Variants in NCAM1 observed in about 807,000 individuals in gnomAD.
NCAM1 encodes antigen recognized by monoclonal antibody 5.1H11.
Under a neutral mutation model 109.8 loss-of-function variants are expected in NCAM1, and 14 were observed. That is an observed-to-expected ratio of 0.13 (90% CI 0.08 to 0.20). The LOEUF (loss-of-function observed/expected upper bound fraction) is 0.20. Among genes scored for constraint, NCAM1 ranks in the 10% least tolerant of loss-of-function variants. The pLI, the probability that NCAM1 is intolerant of heterozygous loss-of-function variation, is 1.00. For synonymous variants in NCAM1, 418 were observed against 442.9 expected (o/e 0.94, Z 0.70); for missense variants, 774 against 1,109.9 (o/e 0.70, Z 4.30).
intron 1 of NCAM1, among the ~76,000 whole-genome samples, chr11:113,070,543 G>A (rs1381744053): frequency 1.3e-5 from 2 of 152,124 alleles, no homozygotes; most frequent in Non-Finnish European, 2.9e-5. Flanking sequence ...GAGAGATAGA[G>A]GAGAGAGAAA....
intron 1 of NCAM1, among the ~76,000 whole-genome samples, chr11:113,012,662 G>A (rs1952099967): frequency 6.6e-6 from 1 of 152,176 alleles, no homozygotes; most frequent in South Asian, 2.1e-4. Flanking sequence ...CCTCACTCCA[G>A]TCTTTGCCTG....
chr11:113,124,081 CA>C (rs1420384230), intron 1 of NCAM1, among the ~76,000 whole-genome samples: 47 of 152,188 alleles, frequency 3.1e-4, no homozygotes, highest in African/African-American at 1.0e-3. Context: ...CTTAGATAGT[CA>C]CCTTTCTCTT....
chr11:113,266,321 A>G (rs1555124398), intron 17 of NCAM1, among the ~76,000 whole-genome samples: 1 of 152,160 alleles, frequency 6.6e-6, no homozygotes, highest in African/African-American at 2.4e-5. Flanking sequence ...AAAAGCCACA[A>G]ACATTCTCTT....
At chr11:113,038,940 C>A (rs781854781) in intron 1 of NCAM1, among the ~76,000 whole-genome samples, 1 of 151,990 alleles carries the variant, frequency 6.6e-6, no homozygotes, top group South Asian at 2.1e-4. Flanking sequence ...ACAAATACTG[C>A]GGATATGATG....
intron 1 of NCAM1, among the ~76,000 whole-genome samples, chr11:113,136,920 A>G (rs1941622157): frequency 6.6e-6 from 1 of 152,156 alleles, no homozygotes; most frequent in Non-Finnish European, 1.5e-5. Flanking sequence ...ACATGGAGAG[A>G]GGATGTGTCC....
chr11:113,275,166 G>T, intron 19 of NCAM1, 101 bp from the exon 20 acceptor site: 1 of 1,481,046 alleles, frequency 6.8e-7, no homozygotes, highest in Admixed American at 2.2e-5. Flanking sequence ...GCTGTCACTG[G>T]AGAACCCCTC....
intron 1 of NCAM1, among the ~76,000 whole-genome samples, chr11:113,188,081 ACTT>A: frequency 6.6e-6 from 1 of 152,236 alleles, no homozygotes; most frequent in African/African-American, 2.4e-5. Context: ...GGTGTGGAGG[ACTT>A]CTGTCTGTTT....
chr11:113,045,239 AG>A (rs1953225018), intron 1 of NCAM1, among the ~76,000 whole-genome samples: 1 of 152,206 alleles, frequency 6.6e-6, no homozygotes, highest in South Asian at 2.1e-4. Context: ...TTCCCCTGTC[AG>A]TAAGAAAACC....
At chr11:113,250,792 G>C (rs1945654506) in intron 15 of NCAM1, among the ~76,000 whole-genome samples, 1 of 152,080 alleles carries the variant, frequency 6.6e-6, no homozygotes, top group African/African-American at 2.4e-5. Flanking sequence ...CAGATGGAGG[G>C]CTTTTTGTTT....
chr11:113,195,062 G>A (rs1943812554), intron 1 of NCAM1, among the ~76,000 whole-genome samples: 1 of 152,232 alleles, frequency 6.6e-6, no homozygotes, highest in African/African-American at 2.4e-5. Context: ...GGCAATTAAT[G>A]TATGGCCTGC....
intron 1 of NCAM1, among the ~76,000 whole-genome samples, chr11:113,165,751 C>A (rs1250072006): frequency 6.6e-6 from 1 of 152,024 alleles, no homozygotes; most frequent in Non-Finnish European, 1.5e-5. Flanking sequence ...AGAAGACCAC[C>A]ACTGGCTCTC....
intron 1 of NCAM1, among the ~76,000 whole-genome samples, chr11:112,986,816 T>G (rs2134752144): frequency 6.6e-6 from 1 of 152,098 alleles, no homozygotes; most frequent in South Asian, 2.1e-4. Context: ...TAGCAAAACT[T>G]TTGTCAATTT....
At chr11:113,121,496 C>T (rs1277652149) in intron 1 of NCAM1, among the ~76,000 whole-genome samples, 2 of 126,126 alleles carry the variant, frequency 1.6e-5, no homozygotes, top group Non-Finnish European at 3.1e-5. Context: ...GTTAAGATTA[C>T]AGGCATGAGC....
chr11:113,057,547 A>G (rs1953754154), intron 1 of NCAM1, among the ~76,000 whole-genome samples: 1 of 152,172 alleles, frequency 6.6e-6, no homozygotes, highest in African/African-American at 2.4e-5. Flanking sequence ...CTATTTTGCC[A>G]TAGCCCACTA....
At position 113,188,669 on chromosome 11, in the gene NCAM1, A is replaced by G. The variant is rs1555109303; in HGVS notation, c.53-13710A>G. On this transcript the variant is annotated intron_variant, in intron 1 of 19. Transcript: ENST00000316851. ...GAGGTTGATTCTATTTTTAAAGAAG[A>G]AAATTTCAGTGACTGGTGACCTGGG... 2.0e-5 allele frequency among the ~76,000 whole-genome samples: 3 copies of G among 152,206 alleles called. 1 individual carries two copies. Among genetic ancestry groups the G allele is most frequent in the South Asian group, 4.1e-4 (2 of 4,832 alleles).
intron 1 of NCAM1, among the ~76,000 whole-genome samples, chr11:113,054,305 CTTAA>C (rs1371593696): frequency 5.9e-5 from 9 of 152,258 alleles, no homozygotes; most frequent in Admixed American, 5.9e-4. Flanking sequence ...AATTCCTGTA[CTTAA>C]TTGGAGTCCG....
chr11:113,000,669 G>C (rs895244624), intron 1 of NCAM1, among the ~76,000 whole-genome samples: 35 of 151,972 alleles, frequency 2.3e-4, no homozygotes, highest in African/African-American at 8.0e-4. Flanking sequence ...TATATTGATG[G>C]ATCTTTGGGT....
chr11:113,163,049 G>T (rs1942655606), intron 1 of NCAM1, among the ~76,000 whole-genome samples: 1 of 152,108 alleles, frequency 6.6e-6, no homozygotes. Flanking sequence ...CAAGCTCTCC[G>T]TGCAGCCAGG....
At chr11:113,088,103 G>A (rs1409279250) in intron 1 of NCAM1, among the ~76,000 whole-genome samples, 68 of 152,192 alleles carry the variant, frequency 4.5e-4, no homozygotes, top group Admixed American at 4.4e-3. Flanking sequence ...ATATGCTGAA[G>A]AATCAAAGTT....
Sources: allele counts gnomAD v4.1 joint callset (sites outside exome capture counted in the v4.1 genomes callset), GRCh38; gene constraint gnomAD v4.1.1; transcripts MANE v1.5; gene names NCBI Gene and HGNC (gene_info 2026-07-23, HGNC 2026-07-21).